The following PLD5 variants were observed in gnomAD, a reference collection of about 807,000 sequenced individuals.
The protein encoded by PLD5 is phospholipase D family member 5.
Under a neutral mutation model 61.1 loss-of-function variants are expected in PLD5, and 36 were observed. The ratio of observed to expected loss-of-function variants is 0.59; its 90% CI spans 0.45 to 0.78. PLD5 has a LOEUF of 0.78. PLD5 is among the 30% of genes least tolerant of loss of function. The pLI, the probability that PLD5 is intolerant of heterozygous loss-of-function variation, is 0.00. For synonymous variants in PLD5, 243 were observed against 242.8 expected, an observed-to-expected ratio of 1.00 and a Z score of -0.01; for missense variants, 515 against 644.4, an observed-to-expected ratio of 0.80 and a Z score of 2.17.
chr1:242,227,056 G>C (rs554295798), intron 4 of PLD5, among the ~76,000 whole-genome samples: 1 of 152,204 alleles, frequency 6.6e-6, no homozygotes, highest in South Asian at 2.1e-4. Flanking sequence ...ATATTCTTGA[G>C]AGCCTTCCTC....
At chr1:242,326,125 C>T (rs562189694) in intron 2 of PLD5, among the ~76,000 whole-genome samples, 3 of 87,022 alleles carry the variant, frequency 3.4e-5, no homozygotes, top group Non-Finnish European at 7.1e-5. Context: ...GATCCTCCCC[C>T]CTCCCTCCCA....
At chr1:242,358,397 A>T (rs1660876302) in intron 1 of PLD5, among the ~76,000 whole-genome samples, 1 of 151,734 alleles carries the variant, frequency 6.6e-6, no homozygotes, top group African/African-American at 2.4e-5. Context: ...TGGCAGAGAT[A>T]GACCTTCACT....
rs115492313 is a variant in PLD5 at position 242,454,877 on chromosome 1, C to T, written c.189+69211G>A. Reference sequence around the variant, plus strand: ...GCAGATCGTCACAGTTTACCCTTTCCGGTTCTATCCCTGGGACCATCTATT... The same window carrying T: ...GCAGATCGTCACAGTTTACCCTTTCTGGTTCTATCCCTGGGACCATCTATT... On this transcript the variant is annotated intron_variant, in intron 1 of 9. Transcript: ENST00000536534. Among the ~76,000 whole-genome samples, 1,427 of 152,286 alleles carry T rather than the reference C, an allele frequency of 9.4e-3. 30 individuals carry two copies. The highest frequency in any genetic ancestry group is 0.033 in the African/African-American group (1,376 of 41,542).
chr1:242,105,390 A>G (rs1310290948), intron 8 of PLD5, among the ~76,000 whole-genome samples: 1 of 151,264 alleles, frequency 6.6e-6, no homozygotes, highest in Non-Finnish European at 1.5e-5. Flanking sequence ...CGCCCAGCTA[A>G]TTTTTGTATT....
At chr1:242,344,932 T>G (rs1660043416) in intron 2 of PLD5, among the ~76,000 whole-genome samples, 1 of 152,160 alleles carries the variant, frequency 6.6e-6, no homozygotes, top group African/African-American at 2.4e-5. Context: ...ACGCTCTTCT[T>G]ACATGGCAGT....
At chr1:242,373,160 C>CA (rs1271613873) in intron 1 of PLD5, among the ~76,000 whole-genome samples, 6 of 152,072 alleles carry the variant, frequency 3.9e-5, no homozygotes, top group African/African-American at 1.4e-4. Flanking sequence ...AGACACTTCT[C>CA]AAAGAAGACA....
At chr1:242,376,776 G>A (rs1474670952) in intron 1 of PLD5, 4 of 784,942 alleles carry the variant, frequency 5.1e-6, no homozygotes, top group Non-Finnish European at 8.0e-6. Flanking sequence ...TATACGACGA[G>A]GTGAAGGAAG....
intron 4 of PLD5, among the ~76,000 whole-genome samples, chr1:242,245,688 T>G (rs1489178107): frequency 6.6e-6 from 1 of 152,158 alleles, no homozygotes; most frequent in Non-Finnish European, 1.5e-5. Flanking sequence ...GAGAAGCCCT[T>G]TAGGATATAA....
chr1:242,102,601 C>T (rs1324139712), intron 8 of PLD5, among the ~76,000 whole-genome samples: 1 of 152,178 alleles, frequency 6.6e-6, no homozygotes, highest in Non-Finnish European at 1.5e-5. Context: ...GGGGTGCCCA[C>T]TCCTTTAAGG....
intron 1 of PLD5, among the ~76,000 whole-genome samples, chr1:242,506,324 T>C (rs1250925925): frequency 2.0e-5 from 3 of 152,148 alleles, no homozygotes; most frequent in Non-Finnish European, 4.4e-5. Flanking sequence ...GTAAGGACAA[T>C]TGGGCTGTGA....
At chr1:242,386,226 T>G (rs1203498848) in intron 1 of PLD5, among the ~76,000 whole-genome samples, 3 of 152,218 alleles carry the variant, frequency 2.0e-5, no homozygotes, top group Non-Finnish European at 4.4e-5. Flanking sequence ...GGTCTCATTC[T>G]GAGGTACTTG....
At chr1:242,298,339 C>CTA (rs1675832873) in intron 2 of PLD5, among the ~76,000 whole-genome samples, 1 of 152,164 alleles carries the variant, frequency 6.6e-6, no homozygotes, top group Non-Finnish European at 1.5e-5. Flanking sequence ...TTATTTGTTG[C>CTA]TTACAGTTTT....
At chr1:242,153,229 C>A (rs78326687) in intron 5 of PLD5, among the ~76,000 whole-genome samples, 36,917 of 151,664 alleles carry the variant, frequency 0.24, 4,844 homozygotes, top group South Asian at 0.35. Context: ...TGTGGAAATT[C>A]TTTGTAGATT....
chr1:242,348,538 G>C (rs938225652), intron 1 of PLD5, among the ~76,000 whole-genome samples: 6 of 152,026 alleles, frequency 3.9e-5, no homozygotes, highest in Non-Finnish European at 7.4e-5. Flanking sequence ...GTCCAGAAAA[G>C]ATCACTAGAT....
chr1:242,233,439 C>T (rs943205000), intron 4 of PLD5, among the ~76,000 whole-genome samples: 2 of 152,112 alleles, frequency 1.3e-5, no homozygotes, highest in African/African-American at 4.8e-5. Context: ...AGATGTTCCT[C>T]TTACAAGTGG....
In PLD5 at chr1:242,089,958, G is replaced by C; in HGVS notation, c.1507C>G (p.Gln503Glu). ...GAGCAGTTCGGCTGTTTGGTTGGCT[G>C]TAAGGTTTTGGCATACGGTGAATAC... is the stretch of plus-strand genomic sequence containing the variant. ...DWYSPYAKTL[Q>E]PTKQPNCSSL... Residue 503 changes from glutamine (Q) to glutamate (E), a missense_variant, in exon 10 of 10, where the codon CAG becomes GAG. Gln to Glu is a conservative substitution (Grantham distance 29). Around this residue, in one of 2 missense-constraint regions of PLD5, gnomAD observed 450 missense variants for 598.1 expected, o/e 0.75. Coordinates refer to ENST00000536534, the MANE Select transcript of PLD5 (RefSeq NM_001372062.1). 1 of 1,614,174 alleles carries C rather than the reference G, an allele frequency of 6.2e-7. No homozygotes were observed. Among genetic ancestry groups the C allele is most frequent in the Non-Finnish European group, 8.5e-7 (1 of 1,180,030 alleles).
chr1:242,277,978 G>T (rs531403348), intron 3 of PLD5, among the ~76,000 whole-genome samples: 1 of 152,182 alleles, frequency 6.6e-6, no homozygotes, highest in Non-Finnish European at 1.5e-5. Flanking sequence ...GTGAGACCCT[G>T]TCTCAAAAAC....
intron 1 of PLD5, among the ~76,000 whole-genome samples, chr1:242,473,458 T>C (rs1667501126): frequency 6.6e-6 from 1 of 152,140 alleles, no homozygotes; most frequent in Admixed American, 6.5e-5. Flanking sequence ...AATATAAAAG[T>C]AGATCGATGT....
chr1:242,207,559 T>G (rs1363893713), intron 5 of PLD5, among the ~76,000 whole-genome samples: 1 of 151,888 alleles, frequency 6.6e-6, no homozygotes, highest in Non-Finnish European at 1.5e-5. Flanking sequence ...TTTCTGACTC[T>G]GTATCTTTGT....
Sources: gnomAD v4.1 joint callset for allele counts (sites outside exome capture counted in the v4.1 genomes callset) on GRCh38, gnomAD v4.1.1 for gene constraint, gnomAD v4.1.1 regional missense constraint, MANE v1.5 for transcripts, NCBI Gene and HGNC (gene_info 2026-07-23, HGNC 2026-07-21) for gene names.